DLGAP2: variants seen among roughly 807,000 people sequenced by gnomAD.
DLGAP2 encodes DLG associated protein 2, also known as disks large-associated protein 2.
DLGAP2 carries 26 observed loss-of-function variants against 100.3 expected under a neutral mutation model. The observed-to-expected ratio is 0.26, with a 90% CI of 0.19 to 0.36. The LOEUF (loss-of-function observed/expected upper bound fraction) is 0.36, where lower values mean the gene tolerates loss of function less well. DLGAP2 is among the 10% of genes least tolerant of loss of function. The probability of loss-of-function intolerance (pLI) is 1.00; values close to 1 mark genes in which losing one functional copy is unlikely to be tolerated. For synonymous variants in DLGAP2, 886 were observed against 630.1 expected, an observed-to-expected ratio of 1.41 and a Z score of -6.08; for missense variants, 1,858 against 1,453.2, an observed-to-expected ratio of 1.28 and a Z score of -4.53.
chr8:1,373,348 T>G (rs6996211), intron 3 of DLGAP2, among the ~76,000 whole-genome samples: 120,280 of 151,596 alleles, frequency 0.79, 47,794 homozygotes, highest in South Asian at 0.86. Context: ...GCGCCGCGCC[T>G]GGACCGTGGC....
intron 1 of DLGAP2, among the ~76,000 whole-genome samples, chr8:845,617 C>G (rs1262331005): frequency 1.3e-5 from 2 of 152,142 alleles, no homozygotes; most frequent in African/African-American, 4.8e-5. Context: ...TGTGTTTTCA[C>G]CTTCACTTTT....
At chr8:1,632,775 T>C in intron 7 of DLGAP2, 52 bp from the exon 8 acceptor site, 2 of 1,531,502 alleles carry the variant, frequency 1.3e-6, no homozygotes, top group Non-Finnish European at 1.8e-6. Context: ...TTCTGTAACG[T>C]GATGGTGACC....
intron 1 of DLGAP2, among the ~76,000 whole-genome samples, chr8:820,568 TC>T (rs1433795415): frequency 6.6e-6 from 1 of 152,072 alleles, no homozygotes; most frequent in African/African-American, 2.4e-5. Flanking sequence ...CATTAAAAGG[TC>T]CCCAGACTCT....
intron 2 of DLGAP2, chr8:1,246,768 G>T (rs1223249863): frequency 6.6e-6 from 1 of 152,164 alleles, no homozygotes; most frequent in Non-Finnish European, 1.5e-5. Context: ...CCGTGCAGAT[G>T]CTTGTGTGAG....
chr8:1,594,794 A>G (rs1055533889), intron 6 of DLGAP2, among the ~76,000 whole-genome samples: 1 of 152,148 alleles, frequency 6.6e-6, no homozygotes, highest in Non-Finnish European at 1.5e-5. Context: ...TTTTAAAAAA[A>G]AGTTAAACAT....
At chr8:879,096 T>G (rs1797736889) in intron 1 of DLGAP2, among the ~76,000 whole-genome samples, 1 of 152,218 alleles carries the variant, frequency 6.6e-6, no homozygotes, top group East Asian at 1.9e-4. Context: ...TTCTTTATTT[T>G]TATTTTTTAC....
intron 8 of DLGAP2, among the ~76,000 whole-genome samples, chr8:1,645,466 C>T (rs1454092805): frequency 1.3e-5 from 2 of 152,144 alleles, no homozygotes; most frequent in African/African-American, 4.8e-5. Flanking sequence ...AACGTGTTTC[C>T]CACTTACGAT....
rs563388885 is a variant in DLGAP2 at position 1,275,781 on chromosome 8, A to G, written c.106+16898A>G. On this transcript the variant is annotated intron_variant, in intron 3 of 14. Coordinates refer to ENST00000637795, the MANE Select transcript of DLGAP2 (RefSeq NM_001346810.2). ...ATATAAAAATATATATTATATATAA[A>G]AATATATAATATATAAATAAATATA... Among the ~76,000 whole-genome samples the G allele has an allele frequency of 3.6e-3, 462 of 129,736 alleles. 3 individuals carry two copies. Among genetic ancestry groups the G allele is most frequent in the African/African-American group, 0.013 (432 of 34,092 alleles). The allele number at this position is 129,736 out of a possible 152,430, so 85.1% of individuals were successfully genotyped here. A position where few individuals can be genotyped will look rare whatever the true frequency, so the allele number is the denominator to read the frequency against.
chr8:1,339,406 C>G (rs1007835351), intron 3 of DLGAP2, among the ~76,000 whole-genome samples: 25 of 152,164 alleles, frequency 1.6e-4, no homozygotes, highest in African/African-American at 5.8e-4. Context: ...ATGCAGTGAC[C>G]TCAGTGAGGC....
chr8:1,520,906 G>A (rs1800573230), intron 4 of DLGAP2, among the ~76,000 whole-genome samples: 1 of 152,192 alleles, frequency 6.6e-6, no homozygotes, highest in Admixed American at 6.5e-5. Context: ...CATGGTGAGT[G>A]CCTAGTTTTG....
Position 1,202,813 on chromosome 8 carries a change from C to T in DLGAP2, c.74-56038C>T, listed in dbSNP as rs117786738. On this transcript the variant is annotated intron_variant, in intron 2 of 14. Transcript: ENST00000637795. ...TGACAATCACCCAAGCCACTGAACA[C>T]GCCTGATCAGATGCAGCTCGAGGAA... Among the ~76,000 whole-genome samples the T allele has an allele frequency of 7.6e-3, 1,156 of 152,334 alleles. 10 individuals are homozygous for T. Among genetic ancestry groups the T allele is most frequent in the Non-Finnish European group, 0.011 (717 of 68,028 alleles).
intron 1 of DLGAP2, among the ~76,000 whole-genome samples, chr8:797,456 A>T (rs187676222): frequency 1.5e-3 from 236 of 152,322 alleles, no homozygotes; most frequent in African/African-American, 5.5e-3. Flanking sequence ...CATTCTCTGG[A>T]TGGACTCCTG....
At chr8:1,537,587 T>C (rs563591150) in intron 4 of DLGAP2, among the ~76,000 whole-genome samples, 1 of 152,222 alleles carries the variant, frequency 6.6e-6, no homozygotes, top group East Asian at 1.9e-4. Flanking sequence ...ACACCAGATC[T>C]TGCTTCCGTA....
chr8:837,114 C>G (rs781264600), intron 1 of DLGAP2, among the ~76,000 whole-genome samples: 26 of 152,246 alleles, frequency 1.7e-4, no homozygotes, highest in Non-Finnish European at 3.5e-4. Context: ...CCCAGCATCT[C>G]CATGTTCCCA....
At chr8:1,421,390 T>A (rs1337290632) in intron 3 of DLGAP2, among the ~76,000 whole-genome samples, 1 of 152,098 alleles carries the variant, frequency 6.6e-6, no homozygotes, top group Non-Finnish European at 1.5e-5. Context: ...TCAATCAACA[T>A]CCCATTCTGA....
At chr8:1,110,850 C>G (rs895105958) in intron 2 of DLGAP2, among the ~76,000 whole-genome samples, 6 of 152,042 alleles carry the variant, frequency 3.9e-5, no homozygotes, top group African/African-American at 1.4e-4. Flanking sequence ...CCCACACACC[C>G]TCTGTGCCTG....
intron 3 of DLGAP2, among the ~76,000 whole-genome samples, chr8:1,486,125 T>C (rs191339139): frequency 1.3e-5 from 2 of 152,310 alleles, no homozygotes; most frequent in Admixed American, 6.5e-5. Flanking sequence ...TGCATGGACA[T>C]GTTTCTCACC....
At chr8:1,392,609 A>G (rs917582414) in intron 3 of DLGAP2, among the ~76,000 whole-genome samples, 7 of 152,306 alleles carry the variant, frequency 4.6e-5, no homozygotes, top group East Asian at 1.9e-4. Context: ...TTGCATTTTA[A>G]CTGTGACCCT....
intron 3 of DLGAP2, among the ~76,000 whole-genome samples, chr8:1,367,654 T>C (rs570634565): frequency 9.2e-5 from 14 of 152,352 alleles, no homozygotes; most frequent in African/African-American, 3.4e-4. Context: ...TAATTGTGGT[T>C]GCTATGCATG....
Sources: gnomAD v4.1 joint callset for allele counts (sites outside exome capture counted in the v4.1 genomes callset) on GRCh38, gnomAD v4.1.1 for gene constraint, MANE v1.5 for transcripts, NCBI Gene and HGNC (gene_info 2026-07-23, HGNC 2026-07-21) for gene names.